Variants in METTL21A observed in about 807,000 individuals in gnomAD.
The protein encoded by METTL21A is methyltransferase 21A, HSPA lysine.
In METTL21A, 22 loss-of-function variants were observed where a neutral mutation model predicts 20.9. The observed-to-expected ratio is 1.05, with a 90% CI of 0.75 to 1.50. The LOEUF is 1.50. Ranked by LOEUF, METTL21A falls within the 40% of genes most tolerant of loss-of-function variation. METTL21A has a pLI of 0.00. For missense variants in METTL21A, 271 were observed against 266.8 expected (o/e 1.02, Z -0.11); for synonymous variants, 93 against 102.0 (o/e 0.91, Z 0.53).
intron 3 of METTL21A, chr2:207,599,532 AC>A (rs2086699030): frequency 5.1e-6 from 1 of 196,972 alleles, no homozygotes; most frequent in Non-Finnish European, 1.1e-5. Flanking sequence ...AGTTATAAAG[AC>A]CTTATCCTTC....
At chr2:207,617,984 T>C (rs920681091) in intron 3 of METTL21A, among the ~76,000 whole-genome samples, 2 of 152,216 alleles carry the variant, frequency 1.3e-5, no homozygotes, top group African/African-American at 4.8e-5. Flanking sequence ...AGAGTTTGGC[T>C]TTAAACAGAT....
chr2:207,604,835 G>T (rs1201523548), downstream of METTL21A, among the ~76,000 whole-genome samples: 2 of 152,178 alleles, frequency 1.3e-5, no homozygotes, highest in Non-Finnish European at 2.9e-5. Flanking sequence ...CATACACTGT[G>T]TATTACTTCT....
chr2:207,581,715 A>T, exon 4 of METTL21A: 1 of 602,532 alleles, frequency 1.7e-6, no homozygotes, highest in African/African-American at 1.9e-5. Flanking sequence ...ACCAGGGTAC[A>T]TTTATCAAAA....
intron 2 of METTL21A, among the ~76,000 whole-genome samples, chr2:207,622,372 T>C (rs1019041187): frequency 1.3e-5 from 2 of 152,034 alleles, no homozygotes; most frequent in African/African-American, 2.4e-5. Context: ...GGTTTTGCCA[T>C]GTTGGCCAAG....
exon 4 of METTL21A, chr2:207,581,865 CTT>C: frequency 1.4e-6 from 1 of 702,822 alleles, no homozygotes; most frequent in Non-Finnish European, 2.6e-6. Context: ...GTTTCCTTGT[CTT>C]TGATGGCCTT....
At chr2:207,612,311 GCTGGTCTTGAACTC>G (rs2089063031), downstream of METTL21A, 1 of 151,794 alleles carries the variant, frequency 6.6e-6, no homozygotes, top group South Asian at 2.1e-4. Flanking sequence ...TGTTGGCCAG[GCTGGTCTTGAACTC>G]CTGACCTCAG....
intron 3 of METTL21A, among the ~76,000 whole-genome samples, chr2:207,583,274 ACAACTATATAC>A (rs2083265323): frequency 2.0e-5 from 3 of 152,150 alleles, no homozygotes; most frequent in African/African-American, 4.8e-5. Context: ...ATACTGAGGG[ACAACTATATAC>A]TTAAATAGGA....
chr2:207,613,587 A>C, intron 3 of METTL21A, 144 bp from the exon 4 acceptor site: 1 of 724,886 alleles, frequency 1.4e-6, no homozygotes, highest in Non-Finnish European at 2.1e-6. Flanking sequence ...GGACAGCTGC[A>C]ATAGAAAAAT....
downstream of METTL21A, chr2:207,609,276 T>C (rs758937615): frequency 9.2e-5 from 14 of 152,224 alleles, no homozygotes; most frequent in Non-Finnish European, 1.9e-4. Flanking sequence ...AAATACCATA[T>C]TGAGATTATA....
downstream of METTL21A, among the ~76,000 whole-genome samples, chr2:207,606,108 TA>T (rs2088053963): frequency 1.3e-5 from 2 of 152,248 alleles, no homozygotes; most frequent in South Asian, 2.1e-4. Context: ...CTAGTGTTAC[TA>T]AATTTTTAAC....
intron 3 of METTL21A, among the ~76,000 whole-genome samples, chr2:207,618,607 GC>G (rs1289075918): frequency 6.6e-6 from 1 of 152,146 alleles, no homozygotes; most frequent in African/African-American, 2.4e-5. Context: ...ATGGGCTGAG[GC>G]AGGAGAATCG....
At chr2:207,602,864 T>C (rs934942462) in intron 3 of METTL21A, 66 of 218,142 alleles carry the variant, frequency 3.0e-4, no homozygotes, top group African/African-American at 1.3e-3. Flanking sequence ...CTTGACTGAT[T>C]TGTCCACATG....
intron 3 of METTL21A, among the ~76,000 whole-genome samples, chr2:207,587,524 G>A (rs1239748076): frequency 6.6e-6 from 1 of 152,048 alleles, no homozygotes; most frequent in African/African-American, 2.4e-5. Flanking sequence ...CAGTAGCTAA[G>A]ATAGGGAATC....
At chr2:207,615,693 T>TA (rs755303520) in intron 3 of METTL21A, 22,975 of 108,390 alleles carry the variant, frequency 0.21, 3,132 homozygotes, top group African/African-American at 0.43. Context: ...AGACTCCGTC[T>TA]AAAAAAAAAA....
At chr2:207,606,460 C>T (rs1373530244), downstream of METTL21A, among the ~76,000 whole-genome samples, 2 of 152,064 alleles carry the variant, frequency 1.3e-5, no homozygotes, top group South Asian at 2.1e-4. Context: ...CCAGCCTGGG[C>T]GACAGAGCAA....
intron 1 of METTL21A, 25 bp downstream of exon 1, chr2:207,625,037 C>A (rs1159859440): frequency 1.3e-5 from 2 of 152,370 alleles, no homozygotes; most frequent in Admixed American, 1.3e-4. Context: ...TCCCCGAACT[C>A]CCCCTATAGC....
chr2:207,613,158 T>C lies in METTL21A; in HGVS notation c.545A>G (p.Asn182Ser), dbSNP rs148116374. Residue 182 changes from asparagine to serine, a missense_variant, in exon 4 of 4, where the codon AAC becomes AGC. Physicochemically the swap from Asn to Ser is conservative, Grantham distance 46 (BLOSUM62 1). Coordinates refer to ENST00000406927, the Ensembl canonical transcript of METTL21A. ...TTGCCTCTCCAGCATTGCTAAGAAG[T>C]TGTTATCCCGTTCATAGCGAATTCG... 262 of 1,614,024 alleles carry C rather than the reference T, an allele frequency of 1.6e-4. 8 individuals are homozygous for C. Among genetic ancestry groups the C allele is most frequent in the East Asian group, 9.8e-4 (44 of 44,874 alleles).
chr2:207,587,759 A>T (rs1029093426), intron 3 of METTL21A, among the ~76,000 whole-genome samples: 1 of 152,208 alleles, frequency 6.6e-6, no homozygotes, highest in African/African-American at 2.4e-5. Context: ...TTATGGAAGT[A>T]GAGAGTAAAA....
intron 3 of METTL21A, among the ~76,000 whole-genome samples, chr2:207,582,492 ATGT>A (rs2083095224): frequency 6.6e-6 from 1 of 152,170 alleles, no homozygotes; most frequent in South Asian, 2.1e-4. Context: ...GTTATTTATT[ATGT>A]TGTTCATATT....
Sources: allele counts gnomAD v4.1 joint callset (sites outside exome capture counted in the v4.1 genomes callset), GRCh38; gene constraint gnomAD v4.1.1; transcripts MANE v1.5; gene names NCBI Gene and HGNC (gene_info 2026-07-23, HGNC 2026-07-21).